The following RBPJ variants were observed in gnomAD, a reference collection of about 807,000 sequenced individuals.
RBPJ encodes the protein recombination signal binding protein for immunoglobulin kappa J region.
A neutral mutation model predicts 67.8 loss-of-function variants in RBPJ; 9 were observed. The ratio of observed to expected loss-of-function variants is 0.13; its 90% CI spans 0.08 to 0.23. RBPJ has a LOEUF of 0.23. RBPJ is among the 10% of genes least tolerant of loss of function. RBPJ has a pLI of 1.00. For missense variants in RBPJ, 305 were observed against 595.6 expected (o/e 0.51, Z 5.08); for synonymous variants, 198 against 203.3 (o/e 0.97, Z 0.22).
intron 1 of RBPJ, among the ~76,000 whole-genome samples, chr4:26,261,140 C>G (rs1297088300): frequency 6.6e-6 from 1 of 152,028 alleles, no homozygotes; most frequent in African/African-American, 2.4e-5. Flanking sequence ...AAATATTGCA[C>G]TGATTAGTGA....
intron 1 of RBPJ, among the ~76,000 whole-genome samples, chr4:26,363,982 CTG>C (rs1237161408): frequency 6.6e-6 from 1 of 152,050 alleles, no homozygotes; most frequent in South Asian, 2.1e-4. Flanking sequence ...GATTTTCATA[CTG>C]TGTGTTTGGT....
At chr4:26,241,118 GC>G (rs1056897196) in intron 1 of RBPJ, among the ~76,000 whole-genome samples, 4 of 151,686 alleles carry the variant, frequency 2.6e-5, no homozygotes, top group Non-Finnish European at 5.9e-5. Context: ...GATCACTTGA[GC>G]CTGGGAATCC....
intron 1 of RBPJ, among the ~76,000 whole-genome samples, chr4:26,378,957 C>T (rs554840633): frequency 4.6e-5 from 7 of 152,088 alleles, no homozygotes; most frequent in South Asian, 2.1e-4. Context: ...ACCCAGGAGG[C>T]GGAGGTTGCA....
chr4:26,255,340 C>G lies in RBPJ; in HGVS notation c.-167+91726C>G, dbSNP rs1255817505. ...AATGGCGTGAACCCAGGAGGCGGAG[C>G]TTGCAGTGAGCCGAGATCGCGCCAC... On this transcript the variant is annotated intron_variant, in intron 1 of 4. Transcript: ENST00000512351. 4.1e-3 allele frequency among the ~76,000 whole-genome samples: 445 copies of G among 109,660 alleles called. 5 individuals are homozygous for G. Among genetic ancestry groups the G allele is most frequent in the Non-Finnish European group, 5.9e-3 (347 of 59,316 alleles). The allele number at this position is 109,660 out of a possible 152,430, so 71.9% of individuals were successfully genotyped here.
chr4:26,155,032 C>T, the RBPJ span, among the ~76,000 whole-genome samples: 1 of 152,162 alleles, frequency 6.6e-6, no homozygotes, highest in Non-Finnish European at 1.5e-5. Context: ...TTAAACAAGC[C>T]ACAGGCTCAG....
At position 26,259,098 on chromosome 4, in the gene RBPJ, G is replaced by A. The variant is rs892008731; in HGVS notation, c.-167+95484G>A. 4.6e-5 allele frequency among the ~76,000 whole-genome samples: 7 copies of A among 151,974 alleles called. No homozygotes were observed. In the East Asian group the frequency reaches 5.8e-4, roughly 13 times the overall value. On this transcript the variant is annotated intron_variant, in intron 1 of 4. Coordinates refer to the RBPJ transcript ENST00000512351. The stretch of plus-strand genomic sequence containing the variant: ...ATTACAGGCGTGAGCCACCATGCCC[G>A]GCCTAAACATTTTTTTAAGATTAGG...
intron 1 of RBPJ, among the ~76,000 whole-genome samples, chr4:26,169,757 C>T (rs536321183): frequency 6.6e-6 from 1 of 152,290 alleles, no homozygotes; most frequent in South Asian, 2.1e-4. Context: ...TTTTTGTTTA[C>T]CTAAGCGAGC....
the RBPJ span, among the ~76,000 whole-genome samples, chr4:26,115,307 GT>G: frequency 2.0e-5 from 3 of 152,104 alleles, no homozygotes; most frequent in Non-Finnish European, 4.4e-5. Flanking sequence ...GCTAAAAAAT[GT>G]TTTTGTGAGG....
At chr4:26,189,221 T>A (rs1195138406) in intron 1 of RBPJ, among the ~76,000 whole-genome samples, 1 of 152,062 alleles carries the variant, frequency 6.6e-6, no homozygotes, top group Non-Finnish European at 1.5e-5. Context: ...TGTCTCTATA[T>A]TAAAAACAAA....
At chr4:26,164,120 TAC>T (rs35118606) in intron 1 of RBPJ, among the ~76,000 whole-genome samples, 35,521 of 152,050 alleles carry the variant, frequency 0.23, 6,181 homozygotes, top group African/African-American at 0.49. Flanking sequence ...GTTGGTTGTT[TAC>T]ATCTGAAAGC....
intron 1 of RBPJ, among the ~76,000 whole-genome samples, chr4:26,211,968 A>G (rs1219302638): frequency 2.0e-5 from 3 of 152,170 alleles, no homozygotes; most frequent in African/African-American, 7.2e-5. Flanking sequence ...GTGATGCGCC[A>G]GATGCCAAGG....
At chr4:26,408,436 T>A (rs968932107) in intron 3 of RBPJ, among the ~76,000 whole-genome samples, 14 of 152,146 alleles carry the variant, frequency 9.2e-5, no homozygotes, top group Non-Finnish European at 1.8e-4. Flanking sequence ...ATTCAGTATT[T>A]TTTTTTTCAT....
chr4:26,266,031 C>CA lies in RBPJ; in HGVS notation c.-166-96404dup, dbSNP rs1156939620. Among the ~76,000 whole-genome samples the CA allele has an allele frequency of 7.2e-3, 1,036 of 144,444 alleles. 10 individuals are homozygous for CA. The highest frequency in any genetic ancestry group is 8.2e-3 in the African/African-American group (323 of 39,512). The allele number at this position is 144,444 out of a possible 152,430, so 94.8% of individuals were successfully genotyped here. ...TGAGCAACAGAGCAAGACTGTATCT[C>CA]AAAAAAAAAAAGGATCTTGGTTCCA... On this transcript the variant is annotated intron_variant, in intron 1 of 4. Coordinates refer to the RBPJ transcript ENST00000512351.
intron 1 of RBPJ, among the ~76,000 whole-genome samples, chr4:26,306,216 GCTAGAACCTTCAATA>G (rs574650489): frequency 1.3e-3 from 191 of 152,062 alleles, no homozygotes; most frequent in Non-Finnish European, 2.1e-3. Flanking sequence ...AATTGTCCTG[GCTAGAACCTTCAATA>G]CCATGTTGAA....
the RBPJ span, among the ~76,000 whole-genome samples, chr4:26,121,654 A>C: frequency 2.0e-5 from 3 of 152,150 alleles, no homozygotes; most frequent in African/African-American, 7.2e-5. Flanking sequence ...ATTACTCTGT[A>C]AATCATAGTC....
Position 26,428,772 on chromosome 4 carries a change from T to G in RBPJ, c.800T>G (p.Val267Gly), listed in dbSNP as rs1284133880. The change falls in exon 8 of 11, where the codon GTG (valine) becomes GGG (glycine). Residue 267 changes from valine to glycine, a missense_variant. Physicochemically the swap from Val to Gly is moderately radical, Grantham distance 109 (BLOSUM62 -3). Transcript: ENST00000355476. ...GCATTATTGGATGCAGATGATCCTG[T>G]GTCACAACTCCATAAATGTGCATTT... The part of the protein sequence containing the change: ...QTALLDADDP[V>G]SQLHKCAFYL... 6.2e-7 allele frequency: 1 copy of G among 1,608,602 alleles called. No homozygotes were observed. The highest frequency in any genetic ancestry group is 8.5e-7 in the Non-Finnish European group (1 of 1,175,496).
intron 1 of RBPJ, among the ~76,000 whole-genome samples, chr4:26,243,381 A>G (rs1719715651): frequency 6.6e-6 from 1 of 152,244 alleles, no homozygotes; most frequent in South Asian, 2.1e-4. Context: ...ATTTGTTGCC[A>G]ATGATAGAAT....
chr4:26,409,071 A>G (rs920311785), intron 3 of RBPJ, among the ~76,000 whole-genome samples: 2 of 152,200 alleles, frequency 1.3e-5, no homozygotes, highest in African/African-American at 2.4e-5. Context: ...TTTTAGTACA[A>G]TTGAATTCAC....
intron 1 of RBPJ, among the ~76,000 whole-genome samples, chr4:26,291,321 T>C (rs1412725705): frequency 1.3e-5 from 2 of 150,236 alleles, no homozygotes; most frequent in African/African-American, 4.9e-5. Context: ...AATACAAATA[T>C]TAATTTTCAT....
Sources: gnomAD v4.1 joint callset for allele counts (sites outside exome capture counted in the v4.1 genomes callset) on GRCh38, gnomAD v4.1.1 for gene constraint, MANE v1.5 for transcripts, NCBI Gene and HGNC (gene_info 2026-07-23, HGNC 2026-07-21) for gene names.